ESRRG: variants seen among roughly 807,000 people sequenced by gnomAD.
ESRRG encodes the protein estrogen-related receptor gamma.
Under a neutral mutation model 44.0 loss-of-function variants are expected in ESRRG, and 13 were observed. The observed-to-expected ratio is 0.30, with a 90% CI of 0.19 to 0.47. The LOEUF (loss-of-function observed/expected upper bound fraction) is 0.47, where lower values mean the gene tolerates loss of function less well. Among genes scored for constraint, ESRRG ranks in the 20% least tolerant of loss-of-function variants. ESRRG has a pLI of 1.00. For missense variants in ESRRG, 395 were observed against 580.6 expected (o/e 0.68, Z 3.29); for synonymous variants, 215 against 214.6 (o/e 1.00, Z -0.02).
At chr1:216,695,947 C>T (rs932105694) in intron 1 of ESRRG, among the ~76,000 whole-genome samples, 29 of 152,160 alleles carry the variant, frequency 1.9e-4, no homozygotes, top group African/African-American at 6.5e-4. Context: ...CTTATGAGAA[C>T]ATCCTAAAGT....
At chr1:216,713,586 G>A (rs2084123621) in intron 1 of ESRRG, among the ~76,000 whole-genome samples, 1 of 152,184 alleles carries the variant, frequency 6.6e-6, no homozygotes, top group Non-Finnish European at 1.5e-5. Context: ...AATTGGAGTG[G>A]AGAAAGGAGT....
chr1:216,866,553 G>C (rs11572552), intron 2 of ESRRG, among the ~76,000 whole-genome samples: 2 of 142,992 alleles, frequency 1.4e-5, no homozygotes, highest in African/African-American at 2.8e-5. Context: ...ATCTTTCTTT[G>C]TTTCTTTCTT....
At chr1:216,909,017 G>C (rs2060011947) in intron 2 of ESRRG, among the ~76,000 whole-genome samples, 1 of 152,054 alleles carries the variant, frequency 6.6e-6, no homozygotes, top group African/African-American at 2.4e-5. Flanking sequence ...TTTCAGGCCA[G>C]ATCCTCACAA....
intron 2 of ESRRG, among the ~76,000 whole-genome samples, chr1:216,783,496 C>T (rs1228710053): frequency 1.3e-5 from 2 of 151,990 alleles, no homozygotes; most frequent in Non-Finnish European, 1.5e-5. Context: ...AATTACTTTA[C>T]CTCATCGGAA....
intron 1 of ESRRG, among the ~76,000 whole-genome samples, chr1:217,054,749 G>C (rs1207842894): frequency 6.6e-6 from 1 of 151,806 alleles, no homozygotes; most frequent in East Asian, 1.9e-4. Flanking sequence ...AGACATAGGA[G>C]GTGAAGAAAG....
At chr1:216,614,468 G>A (rs1022204076) in intron 3 of ESRRG, among the ~76,000 whole-genome samples, 2 of 152,076 alleles carry the variant, frequency 1.3e-5, no homozygotes, top group African/African-American at 4.8e-5. Flanking sequence ...TATATATCTG[G>A]TGAGTACTCC....
intron 1 of ESRRG, among the ~76,000 whole-genome samples, chr1:217,034,610 C>T (rs2082568510): frequency 1.3e-5 from 2 of 152,178 alleles, no homozygotes; most frequent in Non-Finnish European, 2.9e-5. Flanking sequence ...GCAATCACTG[C>T]TTCCCATGAG....
At chr1:216,808,291 C>T (rs1053433517) in intron 2 of ESRRG, among the ~76,000 whole-genome samples, 11 of 152,126 alleles carry the variant, frequency 7.2e-5, no homozygotes, top group Non-Finnish European at 1.6e-4. Flanking sequence ...AGGTGCTACA[C>T]TTCTGAACTT....
intron 5 of ESRRG, among the ~76,000 whole-genome samples, chr1:216,559,932 A>G (rs1376750140): frequency 6.6e-6 from 1 of 152,166 alleles, no homozygotes; most frequent in Non-Finnish European, 1.5e-5. Flanking sequence ...CAGTTTATCC[A>G]TGTTCTTTAT....
intron 1 of ESRRG, among the ~76,000 whole-genome samples, chr1:217,011,295 A>G (rs1458786356): frequency 6.6e-6 from 1 of 152,206 alleles, no homozygotes; most frequent in Non-Finnish European, 1.5e-5. Context: ...GGGAACATAA[A>G]AGGAAGTCCC....
intron 2 of ESRRG, among the ~76,000 whole-genome samples, chr1:216,869,479 T>C (rs1427786997): frequency 6.6e-6 from 1 of 152,130 alleles, no homozygotes; most frequent in East Asian, 1.9e-4. Flanking sequence ...AATCAGAAAG[T>C]ATGATTCCTT....
chr1:216,905,815 C>T (rs2059618823), intron 2 of ESRRG, among the ~76,000 whole-genome samples: 1 of 152,234 alleles, frequency 6.6e-6, no homozygotes, highest in South Asian at 2.1e-4. Flanking sequence ...GCAATCTCAG[C>T]ACACTGCAAC....
At chr1:216,965,424 C>T (rs1354317968) in intron 1 of ESRRG, among the ~76,000 whole-genome samples, 1 of 152,152 alleles carries the variant, frequency 6.6e-6, no homozygotes, top group Non-Finnish European at 1.5e-5. Flanking sequence ...AATGTTATCA[C>T]CACAATCATC....
intron 1 of ESRRG, among the ~76,000 whole-genome samples, chr1:217,012,761 T>G (rs2078811435): frequency 6.6e-6 from 1 of 152,228 alleles, no homozygotes; most frequent in African/African-American, 2.4e-5. Flanking sequence ...CTGCTCCTTT[T>G]TTTTCTGAGT....
chr1:216,658,924 A>AAGAGAAAT (rs1559070971), intron 2 of ESRRG, among the ~76,000 whole-genome samples: 10 of 146,416 alleles, frequency 6.8e-5, no homozygotes, highest in African/African-American at 2.7e-4. Flanking sequence ...AGAAATAAAG[A>AAGAGAAAT]AAAGAAAAGA....
chr1:216,650,906 T>C (rs1028384894), intron 3 of ESRRG, 67 bp downstream of exon 3: 11 of 908,294 alleles, frequency 1.2e-5, no homozygotes, highest in Admixed American at 1.8e-5. Flanking sequence ...CTAAAACTGG[T>C]GGAATTTTTT....
chr1:216,923,342 C>A (rs1221334726), intron 2 of ESRRG, among the ~76,000 whole-genome samples: 1 of 152,190 alleles, frequency 6.6e-6, no homozygotes. Context: ...AATTAACATG[C>A]CTAAACTCCA....
chr1:216,694,836 G>C (rs2079804178), intron 1 of ESRRG, among the ~76,000 whole-genome samples: 1 of 152,176 alleles, frequency 6.6e-6, no homozygotes, highest in Admixed American at 6.5e-5. Context: ...TGGGATTACA[G>C]GCATGAGCCA....
chr1:216,624,117 A>C (rs1171062254), intron 3 of ESRRG, among the ~76,000 whole-genome samples: 2 of 152,202 alleles, frequency 1.3e-5, no homozygotes, highest in African/African-American at 2.4e-5. Context: ...ACCCATGAGC[A>C]ATCAACAAAG....
Sources: allele counts gnomAD v4.1 joint callset (sites outside exome capture counted in the v4.1 genomes callset), GRCh38; gene constraint gnomAD v4.1.1; transcripts MANE v1.5; gene names NCBI Gene and HGNC (gene_info 2026-07-23, HGNC 2026-07-21).